ATP2C1: variants seen among roughly 807,000 people sequenced by gnomAD.
The protein encoded by ATP2C1 is calcium-transporting ATPase type 2C member 1.
A neutral mutation model predicts 120.5 loss-of-function variants in ATP2C1; 31 were observed. The observed-to-expected ratio is 0.26, with a 90% CI of 0.19 to 0.35. The LOEUF (loss-of-function observed/expected upper bound fraction) is 0.35, where lower values mean the gene tolerates loss of function less well. Ranked by LOEUF, ATP2C1 falls within the 10% of genes least tolerant of loss-of-function variation. The pLI, the probability that ATP2C1 is intolerant of heterozygous loss-of-function variation, is 1.00. For synonymous variants in ATP2C1, 351 were observed against 358.7 expected, an observed-to-expected ratio of 0.98 and a Z score of 0.24; for missense variants, 731 against 1,107.5, an observed-to-expected ratio of 0.66 and a Z score of 4.83.
chr3:131,011,193 C>T (rs965359627), intron 26 of ATP2C1, among the ~76,000 whole-genome samples: 1 of 152,180 alleles, frequency 6.6e-6, no homozygotes, highest in African/African-American at 2.4e-5. Flanking sequence ...GATCAAATGG[C>T]ATGAAAGACC....
chr3:130,859,259 G>A lies in ATP2C1; in HGVS notation c.108+8331G>A, dbSNP rs552048484. Among the ~76,000 whole-genome samples, 41 of 152,310 alleles carry A rather than the reference G, an allele frequency of 2.7e-4. 1 individual carries two copies. The South Asian group carries it at 7.9e-3, about 29-fold the overall frequency. ...TGTTGCTCTAGAGTCTAAGACCAAA[G>A]AAGACAGAATCAAATGCCTTTGGTG... On this transcript the variant is annotated intron_variant, in intron 1 of 26. Transcript: ENST00000504381.
chr3:130,923,897 T>A (rs1559928633), intron 2 of ATP2C1, among the ~76,000 whole-genome samples: 1 of 151,790 alleles, frequency 6.6e-6, no homozygotes, highest in Non-Finnish European at 1.5e-5. Context: ...TAACTACCTT[T>A]GCTTGCTTTT....
Position 131,002,410 on chromosome 3 carries a change from T to C in ATP2C1, c.*1060T>C. 8.1e-6 allele frequency: 8 copies of C among 985,440 alleles called. No homozygotes were observed. Among genetic ancestry groups the C allele is most frequent in the Non-Finnish European group, 9.6e-6 (8 of 829,930 alleles). 61.0% of individuals were successfully genotyped at this position (985,440 alleles called of 1,614,324 possible). The stretch of plus-strand genomic sequence containing the variant: ...GTGGAAGATTCTTTGCTGGTCTTGC[T>C]CTGTGTGCATCTGAAGCTTCTTTGG... On this transcript the variant is annotated 3_prime_UTR_variant, in exon 28 of 28. Coordinates refer to ENST00000510168, the MANE Select transcript of ATP2C1 (RefSeq NM_001378687.1).
intron 4 of ATP2C1, among the ~76,000 whole-genome samples, chr3:130,933,467 A>G (rs548084711): frequency 3.9e-5 from 6 of 152,260 alleles, no homozygotes; most frequent in Middle Eastern, 3.4e-3. Context: ...GTTCTTTGGT[A>G]TAAGGTTCTG....
intron 17 of ATP2C1, among the ~76,000 whole-genome samples, chr3:130,970,492 A>G (rs997498932): frequency 3.3e-5 from 5 of 151,926 alleles, no homozygotes; most frequent in Admixed American, 1.3e-4. Context: ...CCCCTGGCAC[A>G]AGTGATCTTC....
Position 130,905,990 on chromosome 3 carries a change from C to T in ATP2C1, c.6+11215C>T, listed in dbSNP as rs143812097. ...TTGTTCTGTATGCACAGTTTTAGACCCGGAGCCACCTACAGTATGAATACT... is the reference window on the plus strand; with the variant it reads ...TTGTTCTGTATGCACAGTTTTAGACTCGGAGCCACCTACAGTATGAATACT... On this transcript the variant is annotated intron_variant, in intron 2 of 27. Coordinates refer to ENST00000510168, the MANE Select transcript of ATP2C1 (RefSeq NM_001378687.1). 2.9e-4 allele frequency among the ~76,000 whole-genome samples: 44 copies of T among 152,086 alleles called. No individual in the cohort carries two copies. The South Asian group carries it at 6.9e-3, about 24-fold the overall frequency.
At chr3:130,946,671 A>G (rs1170976189) in intron 8 of ATP2C1, among the ~76,000 whole-genome samples, 2 of 152,340 alleles carry the variant, frequency 1.3e-5, no homozygotes, top group African/African-American at 2.4e-5. Flanking sequence ...AATAAAATAC[A>G]TGTTCCATTT....
chr3:130,878,321 C>T (rs917469958), intron 1 of ATP2C1, among the ~76,000 whole-genome samples: 1 of 152,048 alleles, frequency 6.6e-6, no homozygotes, highest in Admixed American at 6.5e-5. Context: ...CCTAAGGTTG[C>T]TATTAATAAA....
intron 6 of ATP2C1, among the ~76,000 whole-genome samples, chr3:130,939,493 C>G (rs1031720842): frequency 6.6e-6 from 1 of 152,090 alleles, no homozygotes; most frequent in Non-Finnish European, 1.5e-5. Flanking sequence ...GTTTAATGAT[C>G]ATTTTGATAT....
rs1358146253 is a variant in ATP2C1 at position 130,996,165 on chromosome 3, AG to A, written c.2126+55del. The A allele has an allele frequency of 3.2e-6, 4 of 1,269,080 alleles. No homozygotes were observed. The Admixed American group carries it at 6.7e-5, about 21-fold the overall frequency. The allele number at this position is 1,269,080 out of a possible 1,614,324, so 78.6% of individuals were successfully genotyped here. A position where few individuals can be genotyped will look rare whatever the true frequency, so the allele number is the denominator to read the frequency against. On this transcript the variant is annotated intron_variant, in intron 23 of 27. Transcript: ENST00000510168. ...GGTCTTCTGGATAAATTATATGAAA[AG>A]TAGAACTTAAGCAGAATGCCTAGAA...
intron 6 of ATP2C1, among the ~76,000 whole-genome samples, chr3:130,938,247 A>T (rs2059753105): frequency 1.3e-5 from 2 of 152,242 alleles, no homozygotes; most frequent in African/African-American, 2.4e-5. Context: ...ATGTTTATTT[A>T]AATATCTGAA....
At chr3:130,999,719 G>C in intron 27 of ATP2C1, 60 bp downstream of exon 27, 1 of 1,455,996 alleles carries the variant, frequency 6.9e-7, no homozygotes, top group East Asian at 2.4e-5. Flanking sequence ...TTTCTAATGT[G>C]TTTGTTTTAA....
chr3:130,894,762 G>C lies in ATP2C1; in HGVS notation c.-8G>C, dbSNP rs754745816. On this transcript the variant is annotated 5_prime_UTR_variant, in exon 2 of 28. Coordinates refer to ENST00000510168, the MANE Select transcript of ATP2C1 (RefSeq NM_001378687.1). This position sits in a 1 kb window ranked among gnomAD's most constrained non-coding sequence, Gnocchi z 4.5. Reference sequence around the variant, plus strand: ...TAGCCATCAACCCGAGTGCAGTTTCGATGGAAAATGAAGGTAAAGGCCCCT... The same window carrying C: ...TAGCCATCAACCCGAGTGCAGTTTCCATGGAAAATGAAGGTAAAGGCCCCT... 6.2e-7 allele frequency: 1 copy of C among 1,614,058 alleles called. No homozygotes were observed. The highest frequency in any genetic ancestry group is 1.1e-5 in the South Asian group (1 of 91,084).
At chr3:130,908,821 T>C (rs997127230) in intron 2 of ATP2C1, among the ~76,000 whole-genome samples, 1 of 152,146 alleles carries the variant, frequency 6.6e-6, no homozygotes, top group African/African-American at 2.4e-5. Flanking sequence ...GGTAAATGCA[T>C]TTTATTGTGA....
chr3:130,855,943 A>G (rs972730455), intron 1 of ATP2C1: 2 of 152,194 alleles, frequency 1.3e-5, no homozygotes, highest in African/African-American at 4.8e-5. Context: ...AGAATTTGGG[A>G]TGACCTGTAC....
chr3:130,927,314 C>G (rs1051801595), intron 2 of ATP2C1, among the ~76,000 whole-genome samples: 1 of 151,008 alleles, frequency 6.6e-6, no homozygotes. Flanking sequence ...GATCTCAGCT[C>G]ACTGCAAGCT....
intron 20 of ATP2C1, among the ~76,000 whole-genome samples, chr3:130,985,095 A>G (rs2061939675): frequency 6.6e-6 from 1 of 152,228 alleles, no homozygotes; most frequent in African/African-American, 2.4e-5. Flanking sequence ...ACATCTGTTC[A>G]TTTATTGAGG....
At chr3:130,944,497 C>T (rs2108478532) in intron 8 of ATP2C1, among the ~76,000 whole-genome samples, 1 of 152,228 alleles carries the variant, frequency 6.6e-6, no homozygotes, top group South Asian at 2.1e-4. Context: ...GCGGAGACAG[C>T]AATTTCTCTC....
chr3:131,011,122 G>T (rs955637664), intron 26 of ATP2C1, among the ~76,000 whole-genome samples: 15 of 152,096 alleles, frequency 9.9e-5, no homozygotes, highest in Non-Finnish European at 1.9e-4. Flanking sequence ...TTTAGCTATG[G>T]TCTTTATCTT....
Sources: gnomAD v4.1 joint callset for allele counts (sites outside exome capture counted in the v4.1 genomes callset) on GRCh38, gnomAD v4.1.1 for gene constraint, Gnocchi (gnomAD v3.1) non-coding constraint, MANE v1.5 for transcripts, NCBI Gene and HGNC (gene_info 2026-07-23, HGNC 2026-07-21) for gene names.